Variants in RPH3AL observed in about 807,000 individuals in gnomAD.
RPH3AL encodes rab effector Noc2.
Under a neutral mutation model 43.1 loss-of-function variants are expected in RPH3AL, and 38 were observed. The observed-to-expected ratio is 0.88, with a 90% CI of 0.68 to 1.15. The LOEUF (loss-of-function observed/expected upper bound fraction) is 1.15. RPH3AL is among the 50% of genes most tolerant of loss of function. RPH3AL has a pLI of 0.00. For missense variants in RPH3AL, 462 were observed against 423.2 expected (o/e 1.09, Z -0.81); for synonymous variants, 189 against 176.3 (o/e 1.07, Z -0.57).
intron 6 of RPH3AL, among the ~76,000 whole-genome samples, chr17:267,980 A>C (rs2151582203): frequency 6.6e-6 from 1 of 152,312 alleles, no homozygotes; most frequent in Non-Finnish European, 1.5e-5. Flanking sequence ...ATGGTGCTGG[A>C]TGTGAGAAGC....
intron 5 of RPH3AL, among the ~76,000 whole-genome samples, chr17:309,068 C>A (rs374729615): frequency 6.6e-6 from 1 of 152,184 alleles, no homozygotes; most frequent in African/African-American, 2.4e-5. Flanking sequence ...GAGGCCGAGG[C>A]AGGAGGATCA....
chr17:212,922 G>C lies in RPH3AL; in HGVS notation c.*930C>G, dbSNP rs948242579. The C allele has an allele frequency of 1.3e-5, 2 of 151,864 alleles. No homozygotes were observed. Among genetic ancestry groups the C allele is most frequent in the African/African-American group, 2.4e-5 (1 of 41,346 alleles). The allele number at this position is 151,864 out of a possible 1,614,324, so 9.4% of individuals were successfully genotyped here. ...TCCCAGCTCCTCAAGCTGAAGACAG[G>C]CTGAGCAAAAACCAGGCAGGCCATG... On this transcript the variant is annotated 3_prime_UTR_variant, in exon 10 of 10. Coordinates refer to ENST00000331302, the MANE Select transcript of RPH3AL (RefSeq NM_006987.4).
chr17:251,322 A>T (rs1238232007), intron 6 of RPH3AL, among the ~76,000 whole-genome samples: 3 of 152,222 alleles, frequency 2.0e-5, no homozygotes, highest in African/African-American at 4.8e-5. Flanking sequence ...CACATGGTCT[A>T]AAAATCCACA....
intron 9 of RPH3AL, 100 bp from the exon 10 acceptor site, chr17:214,023 G>A (rs1321294292): frequency 7.0e-6 from 6 of 858,022 alleles, no homozygotes. Context: ...AGGAGCTGGT[G>A]GGGAAGGCAG....
intron 5 of RPH3AL, among the ~76,000 whole-genome samples, chr17:310,312 G>T (rs1325118026): frequency 6.6e-6 from 1 of 152,186 alleles, no homozygotes; most frequent in African/African-American, 2.4e-5. Context: ...CAGCTCCGAG[G>T]ACCGGCATCT....
intron 7 of RPH3AL, among the ~76,000 whole-genome samples, chr17:241,443 C>T (rs1025186786): frequency 6.6e-6 from 1 of 152,072 alleles, no homozygotes; most frequent in Non-Finnish European, 1.5e-5. Flanking sequence ...GAATGTCCAT[C>T]GATAGGTGAT....
rs73971675 is a variant in RPH3AL, at chr17:258,062, C to T, written c.439-10777G>A. On this transcript the variant is annotated intron_variant, in intron 6 of 9. Transcript: ENST00000331302. ...GCATCACTTCTTCAGGGCTCACGCA[C>T]GCAGCAACCCGTGTCAGCACGTCCT... Among the ~76,000 whole-genome samples the T allele has an allele frequency of 8.7e-3, 1,306 of 150,646 alleles. 17 individuals carry two copies. The highest frequency in any genetic ancestry group is 0.023 in the African/African-American group (953 of 41,352).
intron 6 of RPH3AL, among the ~76,000 whole-genome samples, chr17:263,007 C>A (rs1275102274): frequency 6.6e-6 from 1 of 152,212 alleles, no homozygotes; most frequent in African/African-American, 2.4e-5. Context: ...GCAAGAAATT[C>A]TTCCAATGAC....
intron 5 of RPH3AL, among the ~76,000 whole-genome samples, chr17:309,822 G>A (rs545797986): frequency 1.3e-5 from 2 of 152,236 alleles, no homozygotes; most frequent in Admixed American, 6.5e-5. Flanking sequence ...CCTCCTCGGT[G>A]CAAAGTGGGC....
intron 2 of RPH3AL, among the ~76,000 whole-genome samples, chr17:330,367 A>G (rs2044722180): frequency 6.6e-6 from 1 of 152,218 alleles, no homozygotes; most frequent in Admixed American, 6.5e-5. Context: ...ACCTCCTCAG[A>G]TGGAGGCTCA....
chr17:268,419 T>C (rs1303193466), intron 6 of RPH3AL, among the ~76,000 whole-genome samples: 2 of 152,192 alleles, frequency 1.3e-5, no homozygotes, highest in African/African-American at 2.4e-5. Flanking sequence ...AAGAATATAG[T>C]ATATAATGCA....
At chr17:252,435 A>G (rs2041928767) in intron 6 of RPH3AL, among the ~76,000 whole-genome samples, 2 of 152,044 alleles carry the variant, frequency 1.3e-5, no homozygotes, top group African/African-American at 2.4e-5. Context: ...GGGAAAACAC[A>G]CTATTTGTTT....
intron 1 of RPH3AL, among the ~76,000 whole-genome samples, chr17:343,229 G>T (rs1269808129): frequency 6.6e-6 from 1 of 152,186 alleles, no homozygotes; most frequent in Non-Finnish European, 1.5e-5. Context: ...GGAAGCAGAA[G>T]ATGCAGGACT....
At chr17:235,069 G>T (rs957495489) in intron 7 of RPH3AL, among the ~76,000 whole-genome samples, 2 of 151,394 alleles carry the variant, frequency 1.3e-5, no homozygotes, top group South Asian at 2.1e-4. Flanking sequence ...CTCGGTGGGC[G>T]GAGGCTCTTC....
chr17:296,713 C>T (rs1463825275), intron 5 of RPH3AL, among the ~76,000 whole-genome samples: 6 of 152,194 alleles, frequency 3.9e-5, no homozygotes, highest in East Asian at 1.9e-4. Context: ...TTCAACGTCA[C>T]GCCCGCTTTT....
Position 225,082 on chromosome 17 carries a change from A to C in RPH3AL, c.614-5346T>G, listed in dbSNP as rs1480653700. ...TACAGATGTAACAAACCTGCACGTT[A>C]TGCACATGTACCCTAGAACTTAAAA... On this transcript the variant is annotated intron_variant, in intron 7 of 9. Coordinates refer to ENST00000331302, the MANE Select transcript of RPH3AL (RefSeq NM_006987.4). The surrounding 1 kb of genome is among the most constrained non-coding windows in gnomAD (Gnocchi z 4.4). Among the ~76,000 whole-genome samples the C allele has an allele frequency of 6.6e-6, 1 of 150,950 alleles. No individual in the cohort carries two copies. The highest frequency in any genetic ancestry group is 2.0e-4 in the East Asian group (1 of 5,104).
At chr17:347,363 A>G (rs1444879591) in intron 1 of RPH3AL, among the ~76,000 whole-genome samples, 2 of 152,360 alleles carry the variant, frequency 1.3e-5, no homozygotes, top group Middle Eastern at 3.4e-3. Flanking sequence ...GGAACCCTCA[A>G]GCACTGCAAA....
intron 7 of RPH3AL, among the ~76,000 whole-genome samples, chr17:222,568 G>A (rs968567800): frequency 2.0e-5 from 3 of 152,212 alleles, no homozygotes; most frequent in Non-Finnish European, 2.9e-5. Flanking sequence ...AATCAACAGT[G>A]AGAGTCATAA....
At position 245,865 on chromosome 17, in the gene RPH3AL, G is replaced by A. The variant is rs551591266; in HGVS notation, c.613+1246C>T. On this transcript the variant is annotated intron_variant, in intron 7 of 9. Coordinates refer to ENST00000331302, the MANE Select transcript of RPH3AL (RefSeq NM_006987.4). The surrounding 1 kb of genome is among the most constrained non-coding windows in gnomAD (Gnocchi z 5.9). ...CGGTCTCCACTGCATTGCATCCCACGGTCCCCACCAATGTCTGTCCGTGGC... is the reference window on the plus strand; with the variant it reads ...CGGTCTCCACTGCATTGCATCCCACAGTCCCCACCAATGTCTGTCCGTGGC... Among the ~76,000 whole-genome samples the A allele has an allele frequency of 2.0e-5, 3 of 152,184 alleles. No homozygotes were observed. Among genetic ancestry groups the A allele is most frequent in the African/African-American group, 2.4e-5 (1 of 41,518 alleles).
Sources: allele counts gnomAD v4.1 joint callset (sites outside exome capture counted in the v4.1 genomes callset), GRCh38; gene constraint gnomAD v4.1.1; non-coding constraint Gnocchi (gnomAD v3.1); transcripts MANE v1.5; gene names NCBI Gene and HGNC (gene_info 2026-07-23, HGNC 2026-07-21).